SLAMF9: variants seen among roughly 807,000 people sequenced by gnomAD.
SLAMF9 encodes the protein SLAM family member 9, also known as CD2 family member 10.
SLAMF9 carries 25 observed loss-of-function variants against 30.4 expected under a neutral mutation model. The ratio of observed to expected loss-of-function variants is 0.82; its 90% CI spans 0.60 to 1.15. The LOEUF (loss-of-function observed/expected upper bound fraction) is 1.15. Among genes scored for constraint, SLAMF9 ranks in the 50% most tolerant of loss-of-function variants. The pLI is 0.00. For missense variants in SLAMF9, 344 were observed against 346.1 expected, an observed-to-expected ratio of 0.99 and a Z score of 0.05; for synonymous variants, 129 against 127.2, an observed-to-expected ratio of 1.01 and a Z score of -0.09.
At chr1:159,965,484 G>A in the SLAMF9 span, 4 of 152,184 alleles carry the variant, frequency 2.6e-5, no homozygotes, top group African/African-American at 9.7e-5. Flanking sequence ...GACAATCTAT[G>A]GTATCCATCT....
chr1:159,972,919 C>T, the SLAMF9 span: 1 of 1,010,150 alleles, frequency 9.9e-7, no homozygotes, highest in Non-Finnish European at 1.4e-6. Flanking sequence ...ACACTTCCCA[C>T]AACTCCTCTC....
the SLAMF9 span, chr1:159,978,927 C>T: frequency 2.0e-5 from 3 of 152,262 alleles, no homozygotes; most frequent in Non-Finnish European, 4.4e-5. Context: ...TTCCCCCACA[C>T]TGGCCCCAGA....
the SLAMF9 span, chr1:159,976,965 A>AGAAAGAAAGAAAGAAAGAAG: frequency 3.7e-4 from 19 of 51,146 alleles, no homozygotes; most frequent in Admixed American, 8.1e-4. Flanking sequence ...AGAAAGAGAA[A>AGAAAGAAAGAAAGAAAGAAG]GAAAGAAGGA....
chr1:159,976,738 A>G, the SLAMF9 span: 8 of 152,006 alleles, frequency 5.3e-5, no homozygotes, highest in African/African-American at 1.9e-4. Flanking sequence ...TCAGTATACA[A>G]TGGGAATGGT....
chr1:159,955,942 G>A (rs1022749496), upstream of SLAMF9, among the ~76,000 whole-genome samples: 3 of 152,064 alleles, frequency 2.0e-5, no homozygotes, highest in African/African-American at 7.2e-5. Context: ...AGTATAAAAC[G>A]TTTTTATGTA....
At chr1:159,957,290 T>A (rs1651942868), upstream of SLAMF9, among the ~76,000 whole-genome samples, 1 of 151,838 alleles carries the variant, frequency 6.6e-6, no homozygotes, top group Admixed American at 6.6e-5. Flanking sequence ...TATCATACCA[T>A]ATGGTGACTA....
chr1:159,967,677 A>G, the SLAMF9 span, among the ~76,000 whole-genome samples: 1 of 152,222 alleles, frequency 6.6e-6, no homozygotes, highest in Non-Finnish European at 1.5e-5. Context: ...TTGAATCTGT[A>G]GATTGTTTTG....
chr1:159,959,502 T>C, the SLAMF9 span, among the ~76,000 whole-genome samples: 762 of 152,234 alleles, frequency 5.0e-3, 5 homozygotes, highest in African/African-American at 0.016. Flanking sequence ...TTCCTTGCCC[T>C]GGCAGATCCT....
At chr1:159,983,078 C>T in the SLAMF9 span, 1 of 152,140 alleles carries the variant, frequency 6.6e-6, no homozygotes, top group African/African-American at 2.4e-5. Flanking sequence ...GAGTTTCTAG[C>T]TTATATCCCA....
chr1:159,953,701 G>C (rs774309343), intron 1 of SLAMF9, 48 bp from the exon 2 acceptor site: 28 of 1,527,024 alleles, frequency 1.8e-5, no homozygotes, highest in Non-Finnish European at 2.5e-5. Flanking sequence ...CTGTCTCTGG[G>C]CTGCTGAACC....
the SLAMF9 span, among the ~76,000 whole-genome samples, chr1:159,979,937 G>A: frequency 6.6e-6 from 1 of 152,168 alleles, no homozygotes; most frequent in African/African-American, 2.4e-5. Flanking sequence ...GAAGGAACTG[G>A]CTCAGAGATT....
At chr1:159,971,481 G>A in the SLAMF9 span, among the ~76,000 whole-genome samples, 11 of 152,176 alleles carry the variant, frequency 7.2e-5, no homozygotes, top group Non-Finnish European at 1.3e-4. Context: ...GAGAAGTCCA[G>A]GGTGAAGGAT....
Position 159,951,992 on chromosome 1 carries a change from T to C in SLAMF9, c.665-126A>G, listed in dbSNP as rs911966976. 6.3e-5 allele frequency: 50 copies of C among 792,320 alleles called. No individual in the cohort carries two copies. In the African/African-American group the frequency reaches 8.0e-4, roughly 13 times the overall value. The allele number at this position is 792,320 out of a possible 1,614,324, so 49.1% of individuals were successfully genotyped here. ...CAATCAGTTGAAGTCCCCTTGCAAG[T>C]GTCTCTGGAAATATATTCTATGCAC... On this transcript the variant is annotated intron_variant, in intron 3 of 3. Coordinates refer to ENST00000368093, the MANE Select transcript of SLAMF9 (RefSeq NM_033438.4).
At chr1:159,961,392 G>A in the SLAMF9 span, 1 of 152,236 alleles carries the variant, frequency 6.6e-6, no homozygotes, top group Non-Finnish European at 1.5e-5. Context: ...TGGTACTGGA[G>A]GAGCCATTAA....
the SLAMF9 span, chr1:159,973,053 G>C: frequency 0.013 from 18,068 of 1,435,478 alleles, 204 homozygotes; most frequent in South Asian, 0.036. Context: ...ACCCTCGGGG[G>C]CCGCCTCACA....
chr1:159,963,618 C>G, the SLAMF9 span, among the ~76,000 whole-genome samples: 1 of 152,208 alleles, frequency 6.6e-6, no homozygotes, highest in Non-Finnish European at 1.5e-5. Context: ...CAACTTACCT[C>G]TTAAGTACAA....
At chr1:159,966,601 T>C in the SLAMF9 span, among the ~76,000 whole-genome samples, 1 of 152,212 alleles carries the variant, frequency 6.6e-6, no homozygotes, top group South Asian at 2.1e-4. Context: ...AGTGTTCCCT[T>C]TTTTCTGTGT....
At chr1:159,975,068 C>T in the SLAMF9 span, among the ~76,000 whole-genome samples, 1 of 152,130 alleles carries the variant, frequency 6.6e-6, no homozygotes, top group African/African-American at 2.4e-5. Context: ...ATAGATAACT[C>T]CCTGGGAGTC....
chr1:159,958,968 A>T (rs2101893748), upstream of SLAMF9, among the ~76,000 whole-genome samples: 1 of 152,268 alleles, frequency 6.6e-6, no homozygotes, highest in South Asian at 2.1e-4. Flanking sequence ...CAAAATTCCA[A>T]ACTTACCTTA....
Sources: allele counts gnomAD v4.1 joint callset (sites outside exome capture counted in the v4.1 genomes callset), GRCh38; gene constraint gnomAD v4.1.1; transcripts MANE v1.5; gene names NCBI Gene and HGNC (gene_info 2026-07-23, HGNC 2026-07-21).